HFM1: variants seen among roughly 807,000 people sequenced by gnomAD.
The protein encoded by HFM1 is probable ATP-dependent DNA helicase HFM1.
Under a neutral mutation model 192.1 loss-of-function variants are expected in HFM1, and 169 were observed. The ratio of observed to expected loss-of-function variants is 0.88; its 90% CI spans 0.78 to 1.00. HFM1 has a LOEUF of 1.00. HFM1 is among the 50% of genes least tolerant of loss of function. The pLI is 0.00. For synonymous variants in HFM1, 525 were observed against 537.8 expected (o/e 0.98, Z 0.33); for missense variants, 1,661 against 1,668.0 (o/e 1.00, Z 0.07).
chr1:91,290,299 G>A (rs1437201716), intron 30 of HFM1, among the ~76,000 whole-genome samples: 4 of 152,132 alleles, frequency 2.6e-5, no homozygotes, highest in Non-Finnish European at 5.9e-5. Flanking sequence ...CTGTATTCAG[G>A]AAACCCATCT....
intron 30 of HFM1, among the ~76,000 whole-genome samples, chr1:91,298,389 C>A (rs1416854949): frequency 2.0e-5 from 3 of 152,132 alleles, no homozygotes; most frequent in Non-Finnish European, 4.4e-5. Flanking sequence ...GGAGAACTTC[C>A]CCAATCTAGC....
intron 30 of HFM1, among the ~76,000 whole-genome samples, chr1:91,305,857 T>C (rs887677790): frequency 1.3e-5 from 2 of 151,980 alleles, no homozygotes; most frequent in African/African-American, 4.8e-5. Flanking sequence ...TATGAGCCAC[T>C]GCACCCAGCC....
Position 91,377,686 on chromosome 1 carries a change from C to T in HFM1, c.1395+339G>A, listed in dbSNP as rs780997048. On this transcript the variant is annotated intron_variant, in intron 11 of 38. Coordinates refer to ENST00000370425, the MANE Select transcript of HFM1 (RefSeq NM_001017975.6). Reference sequence around the variant, plus strand: ...CATCTAAGCAATTATTTTTATTCTCCACCATACTTTGCTATACAATTAGAG... The same window carrying T: ...CATCTAAGCAATTATTTTTATTCTCTACCATACTTTGCTATACAATTAGAG... The T allele has an allele frequency of 1.2e-5, 3 of 249,004 alleles. No homozygotes were observed. In the East Asian group the frequency reaches 3.8e-4, roughly 31 times the overall value. The allele number at this position is 249,004 out of a possible 1,614,324, so 15.4% of individuals were successfully genotyped here. A position where few individuals can be genotyped will look rare whatever the true frequency, so the allele number is the denominator to read the frequency against.
At chr1:91,298,618 G>C (rs1433960499) in intron 30 of HFM1, among the ~76,000 whole-genome samples, 1 of 152,196 alleles carries the variant, frequency 6.6e-6, no homozygotes, top group Non-Finnish European at 1.5e-5. Context: ...CCAGAAGAGA[G>C]TGGGGGCAAA....
intron 18 of HFM1, among the ~76,000 whole-genome samples, chr1:91,349,156 G>A (rs771669858): frequency 6.6e-6 from 1 of 152,022 alleles, no homozygotes; most frequent in Admixed American, 6.6e-5. Context: ...AGGTGTGGTG[G>A]TGCGTGCCTG....
intron 5 of HFM1, 101 bp from the exon 6 acceptor site, chr1:91,385,335 G>A (rs1294657306): frequency 2.4e-6 from 2 of 822,216 alleles, no homozygotes; most frequent in Non-Finnish European, 3.9e-6. Flanking sequence ...CATAAAAACT[G>A]TTTCAATAAA....
At chr1:91,282,816 A>C (rs974062059) in intron 30 of HFM1, among the ~76,000 whole-genome samples, 2 of 152,228 alleles carry the variant, frequency 1.3e-5, no homozygotes, top group Admixed American at 1.3e-4. Flanking sequence ...AATGAAGAAT[A>C]AAGAGTTGCC....
intron 20 of HFM1, among the ~76,000 whole-genome samples, chr1:91,327,209 T>G (rs1445317083): frequency 2.0e-5 from 3 of 152,024 alleles, no homozygotes; most frequent in African/African-American, 7.2e-5. Flanking sequence ...TGGGCTAAAG[T>G]CTCCAATAAA....
At chr1:91,403,243 A>G (rs1200518873) in intron 1 of HFM1, among the ~76,000 whole-genome samples, 2 of 152,192 alleles carry the variant, frequency 1.3e-5, no homozygotes, top group African/African-American at 4.8e-5. Flanking sequence ...CACACAGTAA[A>G]TGGTCCATAA....
intron 11 of HFM1, among the ~76,000 whole-genome samples, chr1:91,376,694 A>C (rs1557486671): frequency 6.6e-6 from 1 of 151,906 alleles, no homozygotes; most frequent in East Asian, 1.9e-4. Context: ...TAGAAATCAA[A>C]GAAGTAAAAA....
rs751940211 is a variant in HFM1 at position 91,375,514 on chromosome 1, C to T, written c.1596+13G>A. 2 of 1,611,922 alleles carry T rather than the reference C, an allele frequency of 1.2e-6. No individual in the cohort carries two copies. The highest frequency in any genetic ancestry group is 2.2e-5 in the South Asian group (2 of 91,018). ...CTGAATATACTAAAAAATAAGCTAT[C>T]AACAATCCATACCACAAGTGTGGGT... On this transcript the variant is annotated intron_variant, in intron 12 of 38. Coordinates refer to ENST00000370425, the MANE Select transcript of HFM1 (RefSeq NM_001017975.6).
At chr1:91,329,069 C>CTACTGTA (rs1434211132) in intron 20 of HFM1, 2 of 1,609,690 alleles carry the variant, frequency 1.2e-6, no homozygotes, top group African/African-American at 2.7e-5. Flanking sequence ...TCCTGCTAGG[C>CTACTGTA]AGTGACTACT....
intron 20 of HFM1, chr1:91,329,323 T>C (rs1157842318): frequency 6.2e-7 from 1 of 1,606,538 alleles, no homozygotes. Flanking sequence ...GAAAAGCAGT[T>C]CTCTGAGGAG....
At chr1:91,378,561 A>G in intron 9 of HFM1, 81 bp from the exon 10 acceptor site, 2 of 828,828 alleles carry the variant, frequency 2.4e-6, no homozygotes, top group Non-Finnish European at 3.9e-6. Flanking sequence ...AACATTTTTA[A>G]CATGACGTAT....
At position 91,319,095 on chromosome 1, in the gene HFM1, T is replaced by C; in HGVS notation, c.2795A>G (p.Lys932Arg). The C allele has an allele frequency of 6.3e-7, 1 of 1,599,220 alleles. No homozygotes were observed. The highest frequency in any genetic ancestry group is 8.5e-7 in the Non-Finnish European group (1 of 1,176,192). The stretch of plus-strand genomic sequence containing the variant: ...GTACCTACCAATTTTTTCCAGTTGT[T>C]TGGATACATGCAGAGAGTTTTCCCA... ...KLWENSLHVSKQLEKIGITLS... is the reference protein window; with the variant it reads ...KLWENSLHVSRQLEKIGITLS... Residue 932 changes from lysine (K) to arginine (R), a missense_variant, in exon 25 of 39, where the codon AAA becomes AGA. By Grantham distance (26) the Lys-to-Arg change is conservative. Transcript: ENST00000370425.
intron 30 of HFM1, among the ~76,000 whole-genome samples, chr1:91,288,384 T>TAA (rs1481906356): frequency 0.36 from 51,909 of 143,638 alleles, 9,895 homozygotes; most frequent in Middle Eastern, 0.52. Flanking sequence ...TTTTTTTTTT[T>TAA]TTTTTTTAGT....
chr1:91,352,050 T>G (rs915074786), intron 16 of HFM1, among the ~76,000 whole-genome samples: 3 of 151,880 alleles, frequency 2.0e-5, no homozygotes, highest in African/African-American at 7.2e-5. Context: ...GACTTATTCA[T>G]GTATTTGTCA....
intron 16 of HFM1, among the ~76,000 whole-genome samples, chr1:91,352,260 G>C (rs538639055): frequency 6.7e-6 from 1 of 148,154 alleles, no homozygotes; most frequent in South Asian, 2.1e-4. Context: ...AAATCAAAAA[G>C]ACCTTTAACA....
intron 20 of HFM1, 84 bp downstream of exon 20, chr1:91,343,346 A>C: frequency 1.6e-6 from 1 of 633,350 alleles, no homozygotes; most frequent in Non-Finnish European, 2.8e-6. Context: ...TAGTTTTATC[A>C]CCATCTAAAT....
Sources: gnomAD v4.1 joint callset for allele counts (sites outside exome capture counted in the v4.1 genomes callset) on GRCh38, gnomAD v4.1.1 for gene constraint, MANE v1.5 for transcripts, NCBI Gene and HGNC (gene_info 2026-07-23, HGNC 2026-07-21) for gene names.